The following PTGES3 variants were observed in gnomAD, a reference collection of about 807,000 sequenced individuals.
The protein encoded by PTGES3 is Hsp90 co-chaperone.
PTGES3 carries 5 observed loss-of-function variants against 29.9 expected under a neutral mutation model. The ratio of observed to expected loss-of-function variants is 0.17; its 90% CI spans 0.09 to 0.35. The LOEUF is 0.35. PTGES3 is among the 10% of genes least tolerant of loss of function. The pLI, the probability that PTGES3 is intolerant of heterozygous loss-of-function variation, is 1.00. For missense variants in PTGES3, 128 were observed against 190.0 expected (o/e 0.67, Z 1.92); for synonymous variants, 49 against 57.8 (o/e 0.85, Z 0.69).
chr12:56,681,146 T>C (rs1952518728), intron 1 of PTGES3, among the ~76,000 whole-genome samples: 1 of 152,144 alleles, frequency 6.6e-6, no homozygotes, highest in Non-Finnish European at 1.5e-5. Flanking sequence ...TGGAATGCAA[T>C]GGCTTGATCT....
intron 6 of PTGES3, chr12:56,665,605 AACTT>A: frequency 2.0e-6 from 2 of 985,302 alleles, no homozygotes; most frequent in South Asian, 4.7e-5. Context: ...AAACCTATTT[AACTT>A]ACTTTCTTAG....
In PTGES3 at chr12:56,675,067, A is replaced by T. The variant is rs1369615144; in HGVS notation, c.3-2002T>A. Among the ~76,000 whole-genome samples, 15 of 146,864 alleles carry T rather than the reference A, an allele frequency of 1.0e-4. No homozygotes were observed. In the Admixed American group the frequency reaches 1.1e-3, roughly 10 times the overall value. On this transcript the variant is annotated intron_variant, in intron 1 of 7. Coordinates refer to ENST00000262033, the MANE Select transcript of PTGES3 (RefSeq NM_006601.7). ...CTGTAATCCCAGCACTTTGGGAGGC[A>T]GAGGCAGGCGGATCACGAGGTCAGG...
Position 56,664,060 on chromosome 12 carries a change from A to G in PTGES3, c.*419T>C, listed in dbSNP as rs1316553439. On this transcript the variant is annotated 3_prime_UTR_variant, in exon 8 of 8. Coordinates refer to ENST00000262033, the MANE Select transcript of PTGES3 (RefSeq NM_006601.7). ...CAGGTTACCAGTAAGGTGTCAGCCA[A>G]TTTGTTCCAGTCACTTTTGAATCCA... The G allele has an allele frequency of 3.1e-5, 5 of 161,104 alleles. No individual in the cohort carries two copies. The highest frequency in any genetic ancestry group is 9.6e-5 in the African/African-American group (4 of 41,530). 10.0% of individuals were successfully genotyped at this position (161,104 alleles called of 1,614,324 possible). A position where few individuals can be genotyped will look rare whatever the true frequency, so the allele number is the denominator to read the frequency against.
At position 56,688,030 on chromosome 12, in the gene PTGES3, G is replaced by C; in HGVS notation, c.-31C>G. ...ACGGGGCAGGGGGACGGGCGAACTGGTGGGCGGGCCTCTCTGGCGGCGGCT... is the reference window on the plus strand; with the variant it reads ...ACGGGGCAGGGGGACGGGCGAACTGCTGGGCGGGCCTCTCTGGCGGCGGCT... On this transcript the variant is annotated 5_prime_UTR_variant, in exon 1 of 8. Transcript: ENST00000262033. 6.6e-7 allele frequency: 1 copy of C among 1,521,462 alleles called. No individual in the cohort carries two copies. Among genetic ancestry groups the C allele is most frequent in the African/African-American group, 1.4e-5 (1 of 69,656 alleles). The allele number at this position is 1,521,462 out of a possible 1,614,324, so 94.2% of individuals were successfully genotyped here. A position where few individuals can be genotyped will look rare whatever the true frequency, so the allele number is the denominator to read the frequency against.
intron 5 of PTGES3, among the ~76,000 whole-genome samples, chr12:56,668,162 TACCTC>T (rs1430280532): frequency 6.6e-6 from 1 of 152,218 alleles, no homozygotes; most frequent in Non-Finnish European, 1.5e-5. Flanking sequence ...GAAGTGCTCT[TACCTC>T]AATTAATTAA....
At chr12:56,679,778 A>G (rs1217387606) in intron 1 of PTGES3, among the ~76,000 whole-genome samples, 1 of 152,034 alleles carries the variant, frequency 6.6e-6, no homozygotes, top group Non-Finnish European at 1.5e-5. Context: ...AGGTTGAAGC[A>G]ATTCTTCTGC....
intron 1 of PTGES3, among the ~76,000 whole-genome samples, chr12:56,684,514 C>G (rs753781249): frequency 2.6e-5 from 4 of 152,146 alleles, no homozygotes; most frequent in African/African-American, 9.7e-5. Flanking sequence ...TTTGGAGATT[C>G]GTTCCTACAC....
At position 56,670,270 on chromosome 12, in the gene PTGES3, C is replaced by T. The variant is rs751186114; in HGVS notation, c.375+5G>A. 1 of 1,599,254 alleles carries T rather than the reference C, an allele frequency of 6.3e-7. No homozygotes were observed. The highest frequency in any genetic ancestry group is 1.3e-5 in the African/African-American group (1 of 74,622). Reference sequence around the variant, plus strand: ...ATGGGGAGAGGTCCATTTAAAGGAACTTACCTCAGAGAAACGATCAAAATT... The same window carrying T: ...ATGGGGAGAGGTCCATTTAAAGGAATTTACCTCAGAGAAACGATCAAAATT... On this transcript the variant is annotated splice_donor_5th_base_variant and intron_variant, in intron 5 of 7. Coordinates refer to ENST00000262033, the MANE Select transcript of PTGES3 (RefSeq NM_006601.7).
chr12:56,681,286 C>T (rs1387765897), intron 1 of PTGES3, among the ~76,000 whole-genome samples: 1 of 152,000 alleles, frequency 6.6e-6, no homozygotes. Context: ...TGCCTGTAAT[C>T]CCAACACTTT....
intron 6 of PTGES3, chr12:56,665,995 C>A: frequency 7.8e-7 from 1 of 1,283,676 alleles, no homozygotes; most frequent in Non-Finnish European, 1.0e-6. Flanking sequence ...AAATCTAATC[C>A]ATTTAGGAAT....
intron 6 of PTGES3, chr12:56,665,461 AT>A (rs2137575209): frequency 1.1e-6 from 1 of 928,636 alleles, no homozygotes; most frequent in East Asian, 1.2e-4. Flanking sequence ...TGCCCGGCTA[AT>A]TTTTGTATTT....
chr12:56,666,144 T>C (rs1458309295), intron 6 of PTGES3, 60 bp downstream of exon 6: 12 of 1,513,308 alleles, frequency 7.9e-6, no homozygotes, highest in South Asian at 1.3e-5. Context: ...TTTGTAAATA[T>C]GTTGTTTCTT....
intron 1 of PTGES3, among the ~76,000 whole-genome samples, chr12:56,682,270 G>A (rs973349607): frequency 2.0e-5 from 3 of 152,156 alleles, no homozygotes; most frequent in Non-Finnish European, 4.4e-5. Flanking sequence ...TATGCTGAAG[G>A]TGAAGTTAAA....
intron 6 of PTGES3, chr12:56,665,625 A>G (rs1951756235): frequency 1.1e-5 from 11 of 985,296 alleles, no homozygotes; most frequent in Non-Finnish European, 1.3e-5. Flanking sequence ...CTTAGTCAAA[A>G]TCATACCTAT....
At chr12:56,687,439 T>A in intron 1 of PTGES3, 3 of 987,744 alleles carry the variant, frequency 3.0e-6, no homozygotes, top group Non-Finnish European at 3.6e-6. Context: ...ACCCAGACAC[T>A]GGAGAGGGAA....
chr12:56,684,451 G>A (rs1952730686), intron 1 of PTGES3, among the ~76,000 whole-genome samples: 2 of 152,140 alleles, frequency 1.3e-5, no homozygotes, highest in Non-Finnish European at 2.9e-5. Flanking sequence ...TAACAATATA[G>A]CATATGTTCA....
intron 1 of PTGES3, among the ~76,000 whole-genome samples, chr12:56,679,408 C>CAAAAAAAAAAAAAAAAAAAA (rs770485836): frequency 1.5e-5 from 1 of 65,104 alleles, no homozygotes; most frequent in African/African-American, 5.8e-5. Context: ...GACTCTGCCT[C>CAAAAAAAAAAAAAAAAAAAA]AAAAAAAAAA....
chr12:56,665,182 A>AT (rs1270523340), intron 6 of PTGES3: 7 of 985,364 alleles, frequency 7.1e-6, no homozygotes, highest in Non-Finnish European at 7.2e-6. Context: ...TCTAAATAGC[A>AT]TTAAATAACT....
At chr12:56,683,511 C>T (rs1286152298) in intron 1 of PTGES3, among the ~76,000 whole-genome samples, 2 of 88,206 alleles carry the variant, frequency 2.3e-5, no homozygotes, top group Non-Finnish European at 5.1e-5. Flanking sequence ...ATTAGCCAGG[C>T]ATGGCGGCAG....
Sources: gnomAD v4.1 joint callset for allele counts (sites outside exome capture counted in the v4.1 genomes callset) on GRCh38, gnomAD v4.1.1 for gene constraint, MANE v1.5 for transcripts, NCBI Gene and HGNC (gene_info 2026-07-23, HGNC 2026-07-21) for gene names.